The following HEATR5A variants were observed in gnomAD, a reference collection of about 807,000 sequenced individuals.
HEATR5A encodes HEAT repeat containing 5A.
HEATR5A carries 178 observed loss-of-function variants against 218.8 expected under a neutral mutation model. That is an observed-to-expected ratio of 0.81 (90% CI 0.72 to 0.92). HEATR5A has a LOEUF of 0.92. HEATR5A is among the 40% of genes least tolerant of loss of function. The pLI is 0.00. For synonymous variants in HEATR5A, 864 were observed against 871.6 expected, an observed-to-expected ratio of 0.99 and a Z score of 0.15; for missense variants, 2,420 against 2,418.9, an observed-to-expected ratio of 1.00 and a Z score of -0.01.
At chr14:31,415,551 A>G (rs1194388136) in intron 1 of HEATR5A, among the ~76,000 whole-genome samples, 3 of 152,244 alleles carry the variant, frequency 2.0e-5, no homozygotes, top group Non-Finnish European at 2.9e-5. Context: ...AATTAAGAAA[A>G]AAACTTTTCA....
intron 7 of HEATR5A, 39 bp from the exon 8 acceptor site, chr14:31,387,414 T>C (rs1414913019): frequency 6.8e-7 from 1 of 1,468,412 alleles, no homozygotes; most frequent in Admixed American, 2.0e-5. Flanking sequence ...TATTAAATTG[T>C]TTCAATTCTG....
At position 31,371,804 on chromosome 14, in the gene HEATR5A, G is replaced by A; in HGVS notation, c.1961+6C>T. ...CAACTATCAAATCTAAACAGTCGAT[G>A]CTTACTGAGTTAGCAAATCCACAGC... On this transcript the variant is annotated splice_donor_region_variant and intron_variant, in intron 13 of 35. Transcript: ENST00000543095. 7.0e-7 allele frequency: 1 copy of A among 1,437,032 alleles called. No homozygotes were observed. Among genetic ancestry groups the A allele is most frequent in the Non-Finnish European group, 9.5e-7 (1 of 1,056,430 alleles). 89.0% of individuals were successfully genotyped at this position (1,437,032 alleles called of 1,614,324 possible).
At chr14:31,307,611 C>T (rs928623585) in intron 30 of HEATR5A, among the ~76,000 whole-genome samples, 1 of 152,078 alleles carries the variant, frequency 6.6e-6, no homozygotes, top group Non-Finnish European at 1.5e-5. Flanking sequence ...AGAATAAATG[C>T]CACATGTAAT....
chr14:31,369,303 G>A (rs760086525), intron 13 of HEATR5A, among the ~76,000 whole-genome samples: 6 of 150,964 alleles, frequency 4.0e-5, no homozygotes, highest in Non-Finnish European at 8.9e-5. Context: ...GTGACAGAGT[G>A]AGACCCTGTC....
At chr14:31,347,232 G>T (rs1476521561) in intron 19 of HEATR5A, among the ~76,000 whole-genome samples, 1 of 152,138 alleles carries the variant, frequency 6.6e-6, no homozygotes, top group Non-Finnish European at 1.5e-5. Context: ...TTATTTTTGA[G>T]ATAGGGTCTG....
intron 19 of HEATR5A, 89 bp downstream of exon 19, chr14:31,347,659 A>G (rs1901066196): frequency 1.0e-6 from 1 of 978,056 alleles, no homozygotes; most frequent in Non-Finnish European, 1.4e-6. Flanking sequence ...AGGAAACTAT[A>G]TTCATAAATT....
chr14:31,382,442 AT>A (rs2030029551), intron 10 of HEATR5A, among the ~76,000 whole-genome samples: 1 of 152,152 alleles, frequency 6.6e-6, no homozygotes, highest in Admixed American at 6.5e-5. Flanking sequence ...ATAATGGTGT[AT>A]TTTTTTAAAT....
At chr14:31,406,038 CCACATTCG>C (rs969507583) in intron 1 of HEATR5A, among the ~76,000 whole-genome samples, 2 of 152,116 alleles carry the variant, frequency 1.3e-5, no homozygotes, top group Non-Finnish European at 2.9e-5. Context: ...CCTGAGAGCT[CCACATTCG>C]CACTACCAAT....
intron 19 of HEATR5A, among the ~76,000 whole-genome samples, chr14:31,347,152 C>T (rs530343946): frequency 5.6e-4 from 85 of 152,264 alleles, no homozygotes; most frequent in Middle Eastern, 3.4e-3. Context: ...AAGAATGTAT[C>T]GTAACACCTG....
intron 31 of HEATR5A, 109 bp downstream of exon 31, chr14:31,306,623 T>G: frequency 1.7e-6 from 2 of 1,168,248 alleles, no homozygotes; most frequent in Non-Finnish European, 2.3e-6. Context: ...AGACATGTTT[T>G]ATTTGTACCA....
intron 29 of HEATR5A, among the ~76,000 whole-genome samples, 158 bp downstream of exon 29, chr14:31,308,776 T>G (rs1566748602): frequency 6.6e-6 from 1 of 152,090 alleles, no homozygotes; most frequent in East Asian, 1.9e-4. Flanking sequence ...GCTTAAGTAA[T>G]TTATTTATAT....
intron 1 of HEATR5A, 143 bp from the exon 2 acceptor site, chr14:31,403,192 G>T: frequency 2.1e-6 from 1 of 471,170 alleles, no homozygotes; most frequent in South Asian, 3.8e-5. Context: ...TCCCAATAAT[G>T]TTCTAGTTAA....
rs778580092 is a variant in HEATR5A at position 31,374,988 on chromosome 14, T to C, written c.1709-20A>G. 1.8e-5 allele frequency: 28 copies of C among 1,581,468 alleles called. No homozygotes were observed. The highest frequency in any genetic ancestry group is 2.3e-5 in the Non-Finnish European group (27 of 1,164,700). ...CAGGACCTGTAATTTATTCAACTTG[T>C]CACTTGTAAGAGAATCCAAGGTTGT... On this transcript the variant is annotated intron_variant, in intron 11 of 35. Coordinates refer to ENST00000543095, the MANE Select transcript of HEATR5A (RefSeq NM_015473.4).
At chr14:31,357,873 G>A (rs954895055) in intron 16 of HEATR5A, among the ~76,000 whole-genome samples, 1 of 152,134 alleles carries the variant, frequency 6.6e-6, no homozygotes, top group African/African-American at 2.4e-5. Flanking sequence ...TTCTAAAGCA[G>A]GGGGGCCCCA....
In HEATR5A at chr14:31,366,007, C is replaced by T. The variant is rs551955684; in HGVS notation, c.1962-1709G>A. Among the ~76,000 whole-genome samples, 5 of 152,266 alleles carry T rather than the reference C, an allele frequency of 3.3e-5. No individual in the cohort carries two copies. The East Asian group carries it at 9.6e-4, about 29-fold the overall frequency. ...AACTAATGCTTGCTATTTCTAGTCT[C>T]TAGAAGAAAGGAGAGTTATCTATTG... On this transcript the variant is annotated intron_variant, in intron 13 of 35. Coordinates refer to ENST00000543095, the MANE Select transcript of HEATR5A (RefSeq NM_015473.4).
chr14:31,370,042 C>T (rs556271674), intron 13 of HEATR5A, among the ~76,000 whole-genome samples: 5 of 151,560 alleles, frequency 3.3e-5, no homozygotes, highest in Non-Finnish European at 5.9e-5. Flanking sequence ...CTGGCTAACA[C>T]GGTGAAACCC....
At chr14:31,362,619 A>AC (rs1480956645) in intron 14 of HEATR5A, among the ~76,000 whole-genome samples, 3 of 148,756 alleles carry the variant, frequency 2.0e-5, no homozygotes, top group Non-Finnish European at 3.0e-5. Flanking sequence ...AAAAAAAAAA[A>AC]AAAAAAAAAA....
intron 30 of HEATR5A, 35 bp from the exon 31 acceptor site, chr14:31,306,914 G>T (rs774754634): frequency 6.7e-7 from 1 of 1,485,884 alleles, no homozygotes; most frequent in Non-Finnish European, 9.1e-7. Flanking sequence ...CACTGTATTA[G>T]AAATTATACA....
At chr14:31,418,406 T>G (rs765993466) in intron 1 of HEATR5A, among the ~76,000 whole-genome samples, 1 of 152,128 alleles carries the variant, frequency 6.6e-6, no homozygotes, top group Non-Finnish European at 1.5e-5. Flanking sequence ...AAACAAAACA[T>G]GCACAGCCAT....
Sources: gnomAD v4.1 joint callset for allele counts (sites outside exome capture counted in the v4.1 genomes callset) on GRCh38, gnomAD v4.1.1 for gene constraint, MANE v1.5 for transcripts, NCBI Gene and HGNC (gene_info 2026-07-23, HGNC 2026-07-21) for gene names.